RALYL: variants seen among roughly 807,000 people sequenced by gnomAD.
RALYL encodes the protein RALY RNA binding protein like.
Under a neutral mutation model 35.1 loss-of-function variants are expected in RALYL, and 29 were observed. That is an observed-to-expected ratio of 0.83 (90% CI 0.61 to 1.13). The LOEUF (loss-of-function observed/expected upper bound fraction) is 1.13, where lower values mean the gene tolerates loss of function less well. RALYL is among the 50% of genes most tolerant of loss of function. The pLI, the probability that RALYL is intolerant of heterozygous loss-of-function variation, is 0.00. For synonymous variants in RALYL, 120 were observed against 127.6 expected (o/e 0.94, Z 0.40); for missense variants, 359 against 360.4 (o/e 1.00, Z 0.03).
chr8:84,457,399 C>T (rs1272663802), intron 1 of RALYL, among the ~76,000 whole-genome samples: 3 of 151,886 alleles, frequency 2.0e-5, no homozygotes, highest in African/African-American at 7.2e-5. Flanking sequence ...TGATAACGTT[C>T]TCTATCCTTA....
At chr8:84,892,495 A>G (rs971088401) in intron 8 of RALYL, among the ~76,000 whole-genome samples, 3 of 152,104 alleles carry the variant, frequency 2.0e-5, no homozygotes, top group Non-Finnish European at 2.9e-5. Flanking sequence ...CTGTAATTAC[A>G]GCTACTCAGA....
At chr8:84,280,772 A>T (rs1836386232) in intron 1 of RALYL, among the ~76,000 whole-genome samples, 1 of 150,404 alleles carries the variant, frequency 6.6e-6, no homozygotes, top group Non-Finnish European at 1.5e-5. Context: ...TATAATATAC[A>T]TATATATGTA....
intron 2 of RALYL, among the ~76,000 whole-genome samples, chr8:84,571,356 T>C (rs552433884): frequency 3.8e-4 from 57 of 151,860 alleles, no homozygotes; most frequent in Non-Finnish European, 7.7e-4. Context: ...GTTGTAAGTT[T>C]TTAGAAATTT....
At chr8:84,384,403 C>A (rs1444890220) in intron 1 of RALYL, among the ~76,000 whole-genome samples, 1 of 151,750 alleles carries the variant, frequency 6.6e-6, no homozygotes, top group African/African-American at 2.4e-5. Context: ...TCCTGTAGAG[C>A]ATGTCCCACA....
chr8:84,488,951 A>G (rs1357559193), intron 1 of RALYL, among the ~76,000 whole-genome samples: 1 of 152,130 alleles, frequency 6.6e-6, no homozygotes, highest in African/African-American at 2.4e-5. Flanking sequence ...GAGAGGAAAC[A>G]GTGAAATTAA....
intron 1 of RALYL, among the ~76,000 whole-genome samples, chr8:84,377,204 A>C (rs982772201): frequency 6.6e-6 from 1 of 151,760 alleles, no homozygotes; most frequent in Non-Finnish European, 1.5e-5. Flanking sequence ...TAGTTTATTG[A>C]AGGTCTGGAG....
chr8:84,771,357 T>G (rs1336528840), intron 2 of RALYL, among the ~76,000 whole-genome samples: 3 of 152,118 alleles, frequency 2.0e-5, no homozygotes, highest in African/African-American at 7.2e-5. Context: ...TCCAATGTAC[T>G]ACAATGAACA....
At chr8:84,902,558 G>T (rs925250371) in intron 8 of RALYL, among the ~76,000 whole-genome samples, 1 of 152,142 alleles carries the variant, frequency 6.6e-6, no homozygotes, top group Non-Finnish European at 1.5e-5. Flanking sequence ...TGATGTCAAA[G>T]GTAGGAGGAA....
At chr8:84,890,090 T>C (rs1462209969) in intron 8 of RALYL, among the ~76,000 whole-genome samples, 1 of 152,206 alleles carries the variant, frequency 6.6e-6, no homozygotes, top group African/African-American at 2.4e-5. Context: ...ATGTTTTTCA[T>C]CACACACAGA....
intron 2 of RALYL, among the ~76,000 whole-genome samples, chr8:84,578,353 C>G (rs1432637077): frequency 6.6e-6 from 1 of 152,202 alleles, no homozygotes; most frequent in Non-Finnish European, 1.5e-5. Context: ...GTGTCACAGC[C>G]CTGGCTCAGG....
At chr8:84,815,038 T>A (rs1312533893) in intron 4 of RALYL, among the ~76,000 whole-genome samples, 1 of 152,216 alleles carries the variant, frequency 6.6e-6, no homozygotes, top group Non-Finnish European at 1.5e-5. Flanking sequence ...ATGCACAGGT[T>A]GTCATTGTAA....
chr8:84,461,838 CT>C (rs1181600008), intron 1 of RALYL, among the ~76,000 whole-genome samples: 3 of 151,534 alleles, frequency 2.0e-5, no homozygotes, highest in South Asian at 2.1e-4. Context: ...ATTTCTCCCC[CT>C]ATCATTAACA....
chr8:84,778,748 T>C (rs1817430379), intron 3 of RALYL, among the ~76,000 whole-genome samples: 1 of 152,164 alleles, frequency 6.6e-6, no homozygotes. Context: ...TTTTATTCTG[T>C]AGGCAACAAG....
At chr8:84,217,442 A>G (rs1291704800) in intron 1 of RALYL, among the ~76,000 whole-genome samples, 1 of 152,086 alleles carries the variant, frequency 6.6e-6, no homozygotes, top group African/African-American at 2.4e-5. Context: ...TTCATTTTGT[A>G]TGTGCACCTA....
intron 1 of RALYL, among the ~76,000 whole-genome samples, chr8:84,469,799 G>A (rs1001065068): frequency 2.6e-5 from 4 of 151,812 alleles, no homozygotes; most frequent in African/African-American, 9.7e-5. Context: ...AGACTCCGTG[G>A]GCATAGGACC....
intron 2 of RALYL, among the ~76,000 whole-genome samples, chr8:84,552,642 A>G (rs903762149): frequency 6.0e-5 from 9 of 148,844 alleles, no homozygotes; most frequent in Non-Finnish European, 1.5e-5. Context: ...TTAGTCTTAG[A>G]CTCCTTGCTG....
At chr8:84,772,987 T>C (rs985293891) in intron 2 of RALYL, among the ~76,000 whole-genome samples, 4 of 152,206 alleles carry the variant, frequency 2.6e-5, no homozygotes, top group African/African-American at 7.2e-5. Context: ...ATCTTCTTTA[T>C]TAAGTAAGGA....
intron 1 of RALYL, among the ~76,000 whole-genome samples, chr8:84,357,253 A>G (rs1387195202): frequency 6.6e-6 from 1 of 152,048 alleles, no homozygotes; most frequent in Non-Finnish European, 1.5e-5. Context: ...TTCCAGGAAA[A>G]AAAGGTATAA....
At chr8:84,753,985 T>C (rs534457530) in intron 2 of RALYL, among the ~76,000 whole-genome samples, 17 of 152,112 alleles carry the variant, frequency 1.1e-4, no homozygotes, top group Non-Finnish European at 2.2e-4. Context: ...TTGATGGGGT[T>C]GTTTGTTTTT....
Sources: gnomAD v4.1 joint callset for allele counts (sites outside exome capture counted in the v4.1 genomes callset) on GRCh38, gnomAD v4.1.1 for gene constraint, MANE v1.5 for transcripts, NCBI Gene and HGNC (gene_info 2026-07-23, HGNC 2026-07-21) for gene names.